MTOR: variants seen among roughly 807,000 people sequenced by gnomAD.
MTOR encodes the protein mechanistic target of rapamycin kinase.
Under a neutral mutation model 319.8 loss-of-function variants are expected in MTOR, and 70 were observed. That is an observed-to-expected ratio of 0.22 (90% CI 0.18 to 0.27). MTOR has a LOEUF of 0.27. Among genes scored for constraint, MTOR ranks in the 10% least tolerant of loss-of-function variants. The pLI is 1.00. For missense variants in MTOR, 1,890 were observed against 3,274.4 expected, an observed-to-expected ratio of 0.58 and a Z score of 10.32; for synonymous variants, 1,183 against 1,211.4, an observed-to-expected ratio of 0.98 and a Z score of 0.49.
chr1:11,186,746 T>C (rs2100688855), intron 28 of MTOR, among the ~76,000 whole-genome samples: 1 of 152,318 alleles, frequency 6.6e-6, no homozygotes, highest in South Asian at 2.1e-4. Flanking sequence ...TTTTCCTTCA[T>C]TTAGATATTC....
At position 11,209,339 on chromosome 1, in the gene MTOR, C is replaced by T. The variant is rs1210884707; in HGVS notation, c.3774G>A (p.Leu1258=). ...GPVETGPMKK[L]HVSTINLQKA... ...TTTGGAGGTTGATGGTGCTGACGTG[C>T]AGTTTCTTCATGGGTCCTGTTTCCA... The change falls in exon 25 of 58, where the codon CTG becomes CTA. Residue 1258 remains leucine, a synonymous_variant. Transcript: ENST00000361445. 1 of 1,614,076 alleles carries T rather than the reference C, an allele frequency of 6.2e-7. No individual in the cohort carries two copies. The highest frequency in any genetic ancestry group is 1.3e-5 in the African/African-American group (1 of 74,932).
intron 12 of MTOR, 64 bp downstream of exon 12, chr1:11,238,338 G>A (rs1352702188): frequency 5.3e-6 from 8 of 1,518,900 alleles, no homozygotes; most frequent in Non-Finnish European, 7.3e-6. Context: ...TAATGAAACT[G>A]GCTACTCCCA....
Position 11,121,968 on chromosome 1 carries a change from G to T in MTOR, c.6810+11C>A. On this transcript the variant is annotated intron_variant, in intron 48 of 57. Transcript: ENST00000361445. The surrounding 1 kb of genome is among the most constrained non-coding windows in gnomAD (Gnocchi z 4.9). ...GGAAGGGGCACTAGCTCTCGTGGCC[G>T]CATCACATACCCGCAACATGATGCG... The T allele has an allele frequency of 6.2e-7, 1 of 1,613,270 alleles. No individual in the cohort carries two copies. The highest frequency in any genetic ancestry group is 1.7e-4 in the Middle Eastern group (1 of 6,010).
chr1:11,216,069 A>T (rs200191188), intron 20 of MTOR, 79 bp downstream of exon 20: 6 of 983,754 alleles, frequency 6.1e-6, no homozygotes, highest in Admixed American at 5.9e-5. Flanking sequence ...CGTGAAAAAA[A>T]GTCTATGTCA....
At chr1:11,163,242 T>C (rs986775708) in intron 29 of MTOR, among the ~76,000 whole-genome samples, 3 of 152,224 alleles carry the variant, frequency 2.0e-5, no homozygotes, top group Non-Finnish European at 2.9e-5. Flanking sequence ...CTAACTATCC[T>C]AAATATATAT....
At chr1:11,219,236 C>T (rs1359975725) in intron 19 of MTOR, among the ~76,000 whole-genome samples, 1 of 151,372 alleles carries the variant, frequency 6.6e-6, no homozygotes, top group Non-Finnish European at 1.5e-5. Context: ...AGAACTAAAG[C>T]CTCTCACATA....
At chr1:11,155,227 A>G (rs978632852) in intron 30 of MTOR, among the ~76,000 whole-genome samples, 1 of 152,238 alleles carries the variant, frequency 6.6e-6, no homozygotes, top group Non-Finnish European at 1.5e-5. Context: ...TATTAAAAAA[A>G]TGAGGCAGTA....
At chr1:11,210,013 G>A (rs943526635) in intron 24 of MTOR, among the ~76,000 whole-genome samples, 2 of 152,070 alleles carry the variant, frequency 1.3e-5, no homozygotes, top group South Asian at 2.1e-4. Context: ...GACTACAGGT[G>A]CACACCACCA....
chr1:11,113,967 C>T (rs1412151863), intron 53 of MTOR, among the ~76,000 whole-genome samples: 1 of 152,098 alleles, frequency 6.6e-6, no homozygotes, highest in South Asian at 2.1e-4. Context: ...CTTTTCTCCC[C>T]TTCACTCTGT....
At chr1:11,196,319 A>G (rs1296271568) in intron 28 of MTOR, among the ~76,000 whole-genome samples, 5 of 152,194 alleles carry the variant, frequency 3.3e-5, no homozygotes, top group African/African-American at 1.2e-4. Flanking sequence ...TGCGCTTTCT[A>G]ACAAATAACC....
intron 11 of MTOR, among the ~76,000 whole-genome samples, 170 bp downstream of exon 11, chr1:11,240,133 G>A (rs1647811506): frequency 6.6e-6 from 1 of 152,142 alleles, no homozygotes; most frequent in African/African-American, 2.4e-5. Flanking sequence ...AGAAACAAAA[G>A]TAGGAATTAC....
intron 1 of MTOR, among the ~76,000 whole-genome samples, chr1:11,261,403 C>T (rs1427265761): frequency 6.6e-6 from 1 of 151,662 alleles, no homozygotes; most frequent in Admixed American, 6.6e-5. Flanking sequence ...ACCCGGGAGG[C>T]GGAGCTTGCA....
chr1:11,210,289 C>T (rs1646267810), intron 24 of MTOR, among the ~76,000 whole-genome samples: 1 of 152,176 alleles, frequency 6.6e-6, no homozygotes. Context: ...ACTGGGACCA[C>T]AGGTACCCGC....
At chr1:11,111,959 AAAAC>A (rs3841793) in intron 54 of MTOR, among the ~76,000 whole-genome samples, 148 of 150,568 alleles carry the variant, frequency 9.8e-4, no homozygotes, top group Middle Eastern at 6.8e-3. Flanking sequence ...ATTTTACTCA[AAAAC>A]AAACAAACAA....
At chr1:11,200,817 C>A (rs1027931707) in intron 26 of MTOR, among the ~76,000 whole-genome samples, 6 of 151,870 alleles carry the variant, frequency 4.0e-5, no homozygotes, top group Non-Finnish European at 8.8e-5. Flanking sequence ...AGATCGAGAC[C>A]ATCCTGGCTA....
intron 34 of MTOR, among the ~76,000 whole-genome samples, chr1:11,143,435 G>T (rs945322841): frequency 1.3e-5 from 2 of 152,234 alleles, no homozygotes; most frequent in African/African-American, 4.8e-5. Context: ...GAATTGGGGT[G>T]TGTACAAATC....
At chr1:11,193,823 T>A (rs200235138) in intron 28 of MTOR, 2 of 1,584,480 alleles carry the variant, frequency 1.3e-6, no homozygotes, top group Admixed American at 3.4e-5. Context: ...CCACCACACA[T>A]GACCGCGTAC....
intron 28 of MTOR, among the ~76,000 whole-genome samples, chr1:11,193,954 C>T (rs1645669250): frequency 6.6e-6 from 1 of 152,162 alleles, no homozygotes; most frequent in South Asian, 2.1e-4. Context: ...CTGCAACCCC[C>T]CCAACCCCCC....
At chr1:11,110,403 A>G (rs60808353) in intron 54 of MTOR, among the ~76,000 whole-genome samples, 4,547 of 152,058 alleles carry the variant, frequency 0.03, 176 homozygotes, top group Admixed American at 0.071. Flanking sequence ...AGTGATAATT[A>G]TACTTCTTTT....
Sources: allele counts gnomAD v4.1 joint callset (sites outside exome capture counted in the v4.1 genomes callset), GRCh38; gene constraint gnomAD v4.1.1; non-coding constraint Gnocchi (gnomAD v3.1); transcripts MANE v1.5; gene names NCBI Gene and HGNC (gene_info 2026-07-23, HGNC 2026-07-21).